Variants in TVP23A observed in about 807,000 individuals in gnomAD.
TVP23A encodes Golgi apparatus membrane protein TVP23 homolog A.
TVP23A carries 21 observed loss-of-function variants against 31.7 expected under a neutral mutation model. The ratio of observed to expected loss-of-function variants is 0.66; its 90% confidence interval spans 0.47 to 0.95. The LOEUF (loss-of-function observed/expected upper bound fraction) is 0.95. TVP23A is among the 40% of genes least tolerant of loss of function. The probability of loss-of-function intolerance (pLI) is 0.00; values close to 1 mark genes in which losing one functional copy is unlikely to be tolerated. For synonymous variants in TVP23A, 104 were observed against 96.0 expected, an observed-to-expected ratio of 1.08 and a Z score of -0.49; for missense variants, 279 against 255.6, an observed-to-expected ratio of 1.09 and a Z score of -0.62.
At chr16:10,782,360 T>C (rs901046418) in intron 2 of TVP23A, among the ~76,000 whole-genome samples, 1 of 152,180 alleles carries the variant, frequency 6.6e-6, no homozygotes, top group African/African-American at 2.4e-5. Context: ...GCCTGCCCCT[T>C]GCTCCTTTGA....
downstream of TVP23A, among the ~76,000 whole-genome samples, chr16:10,765,606 G>A (rs543000686): frequency 3.3e-5 from 5 of 152,214 alleles, no homozygotes; most frequent in African/African-American, 1.2e-4. The surrounding 1 kb of genome is among the most constrained non-coding windows in gnomAD (Gnocchi z 4.0). Context: ...AGATCAGGAA[G>A]TGACCTTGGG....
At chr16:10,795,606 C>T (rs141049039) in intron 2 of TVP23A, among the ~76,000 whole-genome samples, 16 of 152,178 alleles carry the variant, frequency 1.1e-4, no homozygotes, top group African/African-American at 1.7e-4. Flanking sequence ...CGCAGGGGAC[C>T]GAACTCATTA....
chr16:10,773,976 C>T lies in TVP23A; in HGVS notation c.324+63G>A. The T allele has an allele frequency of 3.0e-6, 4 of 1,322,746 alleles. No individual in the cohort carries two copies. The South Asian group carries it at 3.8e-5, about 13-fold the overall frequency. The allele number at this position is 1,322,746 out of a possible 1,614,324, so 81.9% of individuals were successfully genotyped here. On this transcript the variant is annotated intron_variant, in intron 4 of 7. Transcript: ENST00000299866. ...GATATGCACAAAACTCCAAAGGAAC[C>T]CACAGAAACTTTCCACACCCATTAT...
At chr16:10,758,420 C>CCATGATCATGCAGTTG (rs1567259325), downstream of TVP23A, among the ~76,000 whole-genome samples, 1 of 152,214 alleles carries the variant, frequency 6.6e-6, no homozygotes, top group Non-Finnish European at 1.5e-5. Flanking sequence ...TTGCAGTGAG[C>CCATGATCATGCAGTTG]CATGATCACG....
At chr16:10,814,934 T>C (rs371655373) in intron 2 of TVP23A, among the ~76,000 whole-genome samples, 5 of 152,162 alleles carry the variant, frequency 3.3e-5, no homozygotes, top group Non-Finnish European at 2.9e-5. Flanking sequence ...TTGAGCCACA[T>C]GGAACCACCC....
At chr16:10,759,285 G>A (rs1900780941), downstream of TVP23A, among the ~76,000 whole-genome samples, 1 of 152,186 alleles carries the variant, frequency 6.6e-6, no homozygotes, top group Non-Finnish European at 1.5e-5. This position sits in a 1 kb window ranked among gnomAD's most constrained non-coding sequence, Gnocchi z 4.7. Flanking sequence ...AGCGGCCATG[G>A]GAAGGGTGTC....
At chr16:10,809,078 C>G (rs1465191771) in intron 2 of TVP23A, among the ~76,000 whole-genome samples, 1 of 152,224 alleles carries the variant, frequency 6.6e-6, no homozygotes, top group Non-Finnish European at 1.5e-5. Flanking sequence ...GGAAGTCACA[C>G]TCGTGATCAG....
At chr16:10,782,135 T>TATA in intron 2 of TVP23A, among the ~76,000 whole-genome samples, 1 of 152,126 alleles carries the variant, frequency 6.6e-6, no homozygotes, top group South Asian at 2.1e-4. Flanking sequence ...GTGCCAGGAT[T>TATA]ATAGGTGTGA....
chr16:10,769,497 G>GGTGA (rs1273426451), intron 7 of TVP23A: 1 of 188,472 alleles, frequency 5.3e-6, no homozygotes, highest in Admixed American at 5.9e-5. Flanking sequence ...GAACCAAAGG[G>GGTGA]GTGAGTGTGC....
chr16:10,762,881 T>C (rs916683403), downstream of TVP23A, among the ~76,000 whole-genome samples: 5 of 147,398 alleles, frequency 3.4e-5, no homozygotes, highest in Non-Finnish European at 6.1e-5. Flanking sequence ...TGGGGAGCCT[T>C]GGGGAAGGGC....
chr16:10,771,265 A>G (rs1436177663), intron 6 of TVP23A, among the ~76,000 whole-genome samples: 1 of 152,124 alleles, frequency 6.6e-6, no homozygotes, highest in African/African-American at 2.4e-5. Flanking sequence ...TGCCAGGCAC[A>G]GTGGCTCACT....
In TVP23A at chr16:10,768,781, T is replaced by C. The variant is rs980399866; in HGVS notation, c.*321A>G. 1.3e-4 allele frequency: 50 copies of C among 386,020 alleles called. No homozygotes were observed. Among genetic ancestry groups the C allele is most frequent in the Non-Finnish European group, 1.8e-4 (38 of 216,390 alleles). The allele number at this position is 386,020 out of a possible 1,614,324, so 23.9% of individuals were successfully genotyped here. A position where few individuals can be genotyped will look rare whatever the true frequency, so the allele number is the denominator to read the frequency against. ...GGGTTTTACTTGCCTAGAAGAATGATGTCAAGGGTAAGGAAACAGCATTCC... is the reference window on the plus strand; with the variant it reads ...GGGTTTTACTTGCCTAGAAGAATGACGTCAAGGGTAAGGAAACAGCATTCC... On this transcript the variant is annotated 3_prime_UTR_variant, in exon 8 of 8. Coordinates refer to ENST00000299866, the MANE Select transcript of TVP23A (RefSeq NM_001079512.4). This position sits in a 1 kb window ranked among gnomAD's most constrained non-coding sequence, Gnocchi z 4.3.
intron 2 of TVP23A, among the ~76,000 whole-genome samples, chr16:10,811,903 C>CAAAAAAAAA (rs763108313): frequency 4.7e-5 from 2 of 42,270 alleles, no homozygotes; most frequent in Non-Finnish European, 1.0e-4. Context: ...GACTCCGTCT[C>CAAAAAAAAA]AAAAAAAAAA....
chr16:10,816,581 G>T (rs144356434), intron 2 of TVP23A, among the ~76,000 whole-genome samples: 2 of 152,134 alleles, frequency 1.3e-5, no homozygotes, highest in East Asian at 1.9e-4. Context: ...TGATCTGCCC[G>T]CCTTGGCCTC....
In TVP23A at chr16:10,766,940, C is replaced by T; in HGVS notation, c.*2162G>A. Reference sequence around the variant, plus strand: ...GTTCCCTGCCTCTGGACCCTATTTTCCTGACTCACTGGGCCATATGGGCTC... The same window carrying T: ...GTTCCCTGCCTCTGGACCCTATTTTTCTGACTCACTGGGCCATATGGGCTC... On this transcript the variant is annotated 3_prime_UTR_variant, in exon 8 of 8. Transcript: ENST00000299866. The surrounding 1 kb of genome is among the most constrained non-coding windows in gnomAD (Gnocchi z 4.8). 2.5e-6 allele frequency: 1 copy of T among 398,694 alleles called. No individual in the cohort carries two copies. Among genetic ancestry groups the T allele is most frequent in the Non-Finnish European group, 4.4e-6 (1 of 226,100 alleles). 24.7% of individuals were successfully genotyped at this position (398,694 alleles called of 1,614,324 possible). A position where few individuals can be genotyped will look rare whatever the true frequency, so the allele number is the denominator to read the frequency against.
chr16:10,766,143 GT>G (rs1309519536), downstream of TVP23A: 1 of 152,594 alleles, frequency 6.6e-6, no homozygotes, highest in East Asian at 1.9e-4. The surrounding 1 kb of genome is among the most constrained non-coding windows in gnomAD (Gnocchi z 4.8). Context: ...ATGGGTCCTG[GT>G]CCCGGTGTGC....
downstream of TVP23A, chr16:10,761,086 G>A (rs192072000): frequency 6.8e-4 from 215 of 315,704 alleles, 2 homozygotes; most frequent in African/African-American, 4.3e-3. Flanking sequence ...ATCAGATCTC[G>A]TGAAAACTCA....
At chr16:10,792,543 G>A (rs544619542) in intron 2 of TVP23A, among the ~76,000 whole-genome samples, 15 of 152,196 alleles carry the variant, frequency 9.9e-5, no homozygotes, top group Admixed American at 2.0e-4. Flanking sequence ...TGGGACAATT[G>A]AAGTGCTCTC....
downstream of TVP23A, chr16:10,757,967 G>T (rs150735725): frequency 2.2e-5 from 36 of 1,614,060 alleles, no homozygotes; most frequent in African/African-American, 3.5e-4. The surrounding 1 kb of genome is among the most constrained non-coding windows in gnomAD (Gnocchi z 4.1). Flanking sequence ...AACACCTCTC[G>T]GTCGTCCGGT....
Sources: gnomAD v4.1 joint callset for allele counts (sites outside exome capture counted in the v4.1 genomes callset) on GRCh38, gnomAD v4.1.1 for gene constraint, Gnocchi (gnomAD v3.1) non-coding constraint, MANE v1.5 for transcripts, NCBI Gene and HGNC (gene_info 2026-07-23, HGNC 2026-07-21) for gene names.